The following DMD variants were observed in gnomAD, a reference collection of about 807,000 sequenced individuals.
DMD encodes the protein dystrophin.
Under a neutral mutation model 330.1 loss-of-function variants are expected in DMD, and 63 were observed. The observed-to-expected ratio is 0.19, with a 90% CI of 0.16 to 0.24. DMD has a LOEUF of 0.24. DMD is among the 10% of genes least tolerant of loss of function. The probability of loss-of-function intolerance (pLI) is 1.00; values close to 1 mark genes in which losing one functional copy is unlikely to be tolerated. For synonymous variants in DMD, 1,223 were observed against 959.8 expected (o/e 1.27, Z -5.07); for missense variants, 3,344 against 2,684.1 (o/e 1.25, Z -5.43).
chrX:33,186,979 G>A (rs907758734), intron 1 of DMD, among the ~76,000 whole-genome samples: 4 of 112,012 alleles, frequency 3.6e-5, no homozygotes, highest in African/African-American at 1.3e-4. Flanking sequence ...AGCTATGTGA[G>A]CGTTGTAAAT....
At chrX:32,868,847 C>T (rs758705802) in intron 2 of DMD, among the ~76,000 whole-genome samples, 1 of 112,148 alleles carries the variant, frequency 8.9e-6, no homozygotes, top group South Asian at 3.7e-4. Flanking sequence ...TCCGGGAAGC[C>T]CAGACAAGTG....
chrX:31,196,666 C>CA (rs1465351877), intron 67 of DMD, among the ~76,000 whole-genome samples: 2 of 107,514 alleles, frequency 1.9e-5, no homozygotes, highest in African/African-American at 6.8e-5. Context: ...ATTAAAAATA[C>CA]AAAAATTAGC....
At chrX:32,144,989 G>C (rs936406127) in intron 44 of DMD, among the ~76,000 whole-genome samples, 3 of 111,646 alleles carry the variant, frequency 2.7e-5, no homozygotes, top group Non-Finnish European at 5.7e-5. Flanking sequence ...AGCCGAGATC[G>C]CACCATTGCA....
chrX:32,884,902 A>T, intron 2 of DMD, among the ~76,000 whole-genome samples: 1 of 111,768 alleles, frequency 8.9e-6, no homozygotes, highest in Non-Finnish European at 1.9e-5. Flanking sequence ...ACAAGCACAA[A>T]TTCTTGTAGT....
intron 45 of DMD, among the ~76,000 whole-genome samples, chrX:31,953,216 C>T (rs950872045): frequency 2.7e-5 from 3 of 112,591 alleles, no homozygotes; most frequent in African/African-American, 9.7e-5. Flanking sequence ...GCCAGTCTGC[C>T]AGTCAGTTAC....
intron 37 of DMD, 68 bp from the exon 38 acceptor site, chrX:32,348,596 T>C (rs1603631370): frequency 1.0e-6 from 1 of 978,747 alleles, no homozygotes; most frequent in Admixed American, 2.7e-5. Context: ...CCAAAAGAAA[T>C]ACATTTATTC....
Position 32,087,908 on chromosome X carries a change from G to A in DMD, c.6439-119394C>T, listed in dbSNP as rs151025695. 9.6e-3 allele frequency among the ~76,000 whole-genome samples: 1,073 copies of A among 112,219 alleles called. 7 individuals are homozygous for A. The highest frequency in any genetic ancestry group is 0.033 in the African/African-American group (1,022 of 30,900). ...GACTCAGTGTTATTTCTGGATATAA[G>A]GCACTGCTGGGAACACACAGATGAA... On this transcript the variant is annotated intron_variant, in intron 44 of 78. Coordinates refer to ENST00000357033, the MANE Select transcript of DMD (RefSeq NM_004006.3).
At chrX:31,286,408 T>C (rs1241077205) in intron 62 of DMD, among the ~76,000 whole-genome samples, 1 of 112,654 alleles carries the variant, frequency 8.9e-6, no homozygotes, top group Non-Finnish European at 1.9e-5. Flanking sequence ...GGGAAGTTTA[T>C]CAGATAATTT....
intron 1 of DMD, among the ~76,000 whole-genome samples, chrX:33,219,783 C>T (rs1009031031): frequency 1.5e-4 from 17 of 111,523 alleles, no homozygotes; most frequent in African/African-American, 5.2e-4. Flanking sequence ...TGCATTGATG[C>T]TAGTGAGCTG....
At chrX:31,487,663 T>C (rs2068925402) in intron 57 of DMD, among the ~76,000 whole-genome samples, 1 of 111,658 alleles carries the variant, frequency 9.0e-6, no homozygotes, top group African/African-American at 3.3e-5. Flanking sequence ...TTCTACTCTC[T>C]GCTTCTATGA....
chrX:32,135,830 G>A (rs1465627828), intron 44 of DMD, among the ~76,000 whole-genome samples: 2 of 112,198 alleles, frequency 1.8e-5, no homozygotes, highest in Non-Finnish European at 3.8e-5. Flanking sequence ...AATGCTAATG[G>A]TATCTAATTT....
At chrX:32,614,987 T>C (rs1431200128) in intron 11 of DMD, among the ~76,000 whole-genome samples, 1 of 111,001 alleles carries the variant, frequency 9.0e-6, no homozygotes, top group Non-Finnish European at 1.9e-5. Context: ...AAGCCTAGAT[T>C]CCATGCTGTA....
chrX:31,470,437 T>C (rs1323938256), intron 59 of DMD, among the ~76,000 whole-genome samples: 1 of 111,604 alleles, frequency 9.0e-6, no homozygotes, highest in Admixed American at 9.5e-5. Context: ...TTGCTGGAGG[T>C]CCACTCCAGA....
At chrX:32,599,176 GAAAT>G (rs1340148950) in intron 12 of DMD, among the ~76,000 whole-genome samples, 1 of 111,852 alleles carries the variant, frequency 8.9e-6, no homozygotes, top group African/African-American at 3.2e-5. Context: ...CTTCAAATGC[GAAAT>G]AAATATTAGT....
At chrX:32,714,964 C>A (rs1187998989) in intron 7 of DMD, among the ~76,000 whole-genome samples, 1 of 111,185 alleles carries the variant, frequency 9.0e-6, no homozygotes, top group Non-Finnish European at 1.9e-5. Context: ...CCACGAGAAG[C>A]TATAATCTAC....
rs904457144 is a variant in DMD, at chrX:33,250,135, A to G, written c.7+89124T>C. Among the ~76,000 whole-genome samples the G allele has an allele frequency of 2.1e-5, 2 of 95,550 alleles. 1 individual carries two copies. Among genetic ancestry groups the G allele is most frequent in the African/African-American group, 8.8e-5 (2 of 22,775 alleles). 83.0% of individuals were successfully genotyped at this position (95,550 alleles called of 115,157 possible). On this transcript the variant is annotated intron_variant, in intron 1 of 17. Coordinates refer to the DMD transcript ENST00000288447. ...TATCAATGTACACTTGTATGTATGT[A>G]TGTGTGTGTATGTGTGTATTAGAAC...
At chrX:31,421,940 CACAT>C (rs1390020211) in intron 60 of DMD, among the ~76,000 whole-genome samples, 24 of 53,936 alleles carry the variant, frequency 4.4e-4, no homozygotes, top group Middle Eastern at 0.015. Context: ...TATACACACA[CACAT>C]ATATATATAT....
intron 2 of DMD, among the ~76,000 whole-genome samples, chrX:32,854,864 G>A (rs1264876057): frequency 9.0e-6 from 1 of 111,586 alleles, no homozygotes; most frequent in Non-Finnish European, 1.9e-5. Context: ...ACGAAAACCA[G>A]ACAGATATCC....
chrX:32,972,082 C>T (rs1171414618), intron 2 of DMD, among the ~76,000 whole-genome samples: 4 of 111,933 alleles, frequency 3.6e-5, no homozygotes, highest in Non-Finnish European at 7.5e-5. Context: ...AGATACAATA[C>T]ATCCGCACTT....
Sources: gnomAD v4.1 joint callset for allele counts (sites outside exome capture counted in the v4.1 genomes callset) on GRCh38, gnomAD v4.1.1 for gene constraint, MANE v1.5 for transcripts, NCBI Gene and HGNC (gene_info 2026-07-23, HGNC 2026-07-21) for gene names.